Variants in AOAH observed in about 807,000 individuals in gnomAD.
AOAH encodes the protein acyloxyacyl hydrolase (neutrophil).
In AOAH, 64 loss-of-function variants were observed where a neutral mutation model predicts 92.2. The ratio of observed to expected loss-of-function variants is 0.69; its 90% confidence interval spans 0.57 to 0.86. AOAH has a LOEUF of 0.86. Among genes scored for constraint, AOAH ranks in the 40% least tolerant of loss-of-function variants. The probability of loss-of-function intolerance (pLI) is 0.00; values close to 1 mark genes in which losing one functional copy is unlikely to be tolerated. For missense variants in AOAH, 656 were observed against 694.6 expected, an observed-to-expected ratio of 0.94 and a Z score of 0.62; for synonymous variants, 263 against 254.5, an observed-to-expected ratio of 1.03 and a Z score of -0.32.
intron 12 of AOAH, among the ~76,000 whole-genome samples, chr7:36,586,328 G>A (rs1035020533): frequency 2.6e-5 from 4 of 151,894 alleles, no homozygotes; most frequent in African/African-American, 7.3e-5. Flanking sequence ...TTCCAGCTTC[G>A]CCCCACTGAA....
In AOAH at chr7:36,637,775, T is replaced by C. The variant is rs567308473; in HGVS notation, c.450+76A>G. On this transcript the variant is annotated intron_variant, in intron 5 of 20. Coordinates refer to ENST00000617537, the MANE Select transcript of AOAH (RefSeq NM_001637.4). ...TTATATCCGGAGTAGTCCTTGCCTT[T>C]GGGATGTGAAAGCCGGGGCCAGTGA... The C allele has an allele frequency of 2.2e-6, 3 of 1,363,824 alleles. No homozygotes were observed. In the African/African-American group the frequency reaches 4.3e-5, roughly 20 times the overall value. 84.5% of individuals were successfully genotyped at this position (1,363,824 alleles called of 1,614,324 possible).
chr7:36,514,539 T>G lies in AOAH; in HGVS notation c.1600-1159A>C, dbSNP rs140313251. On this transcript the variant is annotated intron_variant, in intron 20 of 20. Coordinates refer to ENST00000617537, the MANE Select transcript of AOAH (RefSeq NM_001637.4). The stretch of plus-strand genomic sequence containing the variant: ...GATGTTAGCTGGGTCCATTCTTGGT[T>G]GTCCAGTGTCTGGCTTGTCATTAAT... 184 of 1,535,990 alleles carry G rather than the reference T, an allele frequency of 1.2e-4. No individual in the cohort carries two copies. The African/African-American group carries it at 2.0e-3, about 17-fold the overall frequency.
At chr7:36,589,315 C>T (rs1789577085) in intron 12 of AOAH, among the ~76,000 whole-genome samples, 1 of 152,122 alleles carries the variant, frequency 6.6e-6, no homozygotes, top group South Asian at 2.1e-4. Context: ...ATTTAACAGC[C>T]TGTCAAGCAC....
At chr7:36,611,130 A>G (rs1791423532) in intron 11 of AOAH, among the ~76,000 whole-genome samples, 1 of 152,172 alleles carries the variant, frequency 6.6e-6, no homozygotes, top group Admixed American at 6.5e-5. Flanking sequence ...TATTCTTACC[A>G]AGTGGCCAGG....
At chr7:36,530,328 G>C in intron 19 of AOAH, 90 bp downstream of exon 19, 1 of 866,804 alleles carries the variant, frequency 1.2e-6, no homozygotes, top group Non-Finnish European at 1.9e-6. Flanking sequence ...TCTGCTGCCT[G>C]GTGGCTTATA....
At chr7:36,570,224 T>C (rs7781200) in intron 13 of AOAH, among the ~76,000 whole-genome samples, 13,614 of 152,218 alleles carry the variant, frequency 0.089, 715 homozygotes, top group Admixed American at 0.14. Context: ...TTCTGTGAGT[T>C]TGACTACTTA....
chr7:36,520,921 G>C (rs543570160), intron 20 of AOAH, among the ~76,000 whole-genome samples: 1 of 152,294 alleles, frequency 6.6e-6, no homozygotes, highest in Middle Eastern at 3.4e-3. Flanking sequence ...CGTGAGGTGG[G>C]CATTTAATAC....
At chr7:36,543,274 A>C (rs1397149976) in intron 15 of AOAH, among the ~76,000 whole-genome samples, 1 of 152,204 alleles carries the variant, frequency 6.6e-6, no homozygotes, top group Non-Finnish European at 1.5e-5. Flanking sequence ...CTTTGACTTG[A>C]TTCCCATATG....
intron 11 of AOAH, among the ~76,000 whole-genome samples, chr7:36,608,905 C>CGGG (rs374889301): frequency 3.7e-4 from 3 of 8,148 alleles, no homozygotes; most frequent in Non-Finnish European, 5.4e-4. Flanking sequence ...GCTGTTGCGG[C>CGGG]GGGGAGGGGG....
chr7:36,567,897 T>C (rs1349211260), intron 13 of AOAH, among the ~76,000 whole-genome samples: 3 of 152,224 alleles, frequency 2.0e-5, no homozygotes, highest in African/African-American at 7.2e-5. Flanking sequence ...CTAGACACTG[T>C]AGGGGAGGAA....
intron 5 of AOAH, among the ~76,000 whole-genome samples, chr7:36,635,867 CTATT>C (rs764768965): frequency 1.3e-5 from 2 of 152,214 alleles, no homozygotes; most frequent in Admixed American, 1.3e-4. Flanking sequence ...AATACTCTAT[CTATT>C]TGAGAATGAA....
chr7:36,517,765 T>C (rs1005616986), intron 20 of AOAH, among the ~76,000 whole-genome samples: 9 of 151,946 alleles, frequency 5.9e-5, no homozygotes, highest in African/African-American at 1.9e-4. Context: ...CATGCCTGGC[T>C]AATTTTTGTA....
intron 20 of AOAH, among the ~76,000 whole-genome samples, chr7:36,520,591 G>A (rs1256600402): frequency 6.6e-6 from 1 of 152,008 alleles, no homozygotes; most frequent in Non-Finnish European, 1.5e-5. Context: ...TGTAATCCCA[G>A]CTACTCAGGA....
At chr7:36,515,600 C>T (rs1783609164) in intron 20 of AOAH, among the ~76,000 whole-genome samples, 1 of 127,852 alleles carries the variant, frequency 7.8e-6, no homozygotes, top group South Asian at 2.8e-4. Flanking sequence ...TACCACACCC[C>T]TCATAACCCC....
rs544207416 is a variant in AOAH, at chr7:36,661,573, CAACT to C, written c.291-2312_291-2309del. On this transcript the variant is annotated intron_variant, in intron 3 of 20. Transcript: ENST00000617537. ...AAATCCACTCCAACCTCTCCCCACC[CAACT>C]ATTATAACAACTACCTCTACAATCA... 5.0e-3 allele frequency among the ~76,000 whole-genome samples: 763 copies of C among 152,294 alleles called. 5 individuals carry two copies. The highest frequency in any genetic ancestry group is 0.018 in the African/African-American group (732 of 41,548).
At chr7:36,580,210 A>G (rs1361032364) in intron 12 of AOAH, among the ~76,000 whole-genome samples, 2 of 152,034 alleles carry the variant, frequency 1.3e-5, no homozygotes, top group East Asian at 3.9e-4. Flanking sequence ...TTTTCCCTAC[A>G]ACTATTGGGT....
intron 4 of AOAH, among the ~76,000 whole-genome samples, chr7:36,652,203 A>G (rs1425034476): frequency 6.6e-6 from 1 of 152,228 alleles, no homozygotes; most frequent in Admixed American, 6.5e-5. Context: ...GAACAAAAAA[A>G]AAATAGGACA....
At chr7:36,539,068 G>T (rs556706040) in intron 16 of AOAH, among the ~76,000 whole-genome samples, 1 of 152,248 alleles carries the variant, frequency 6.6e-6, no homozygotes, top group East Asian at 1.9e-4. Context: ...GGGACTGCAG[G>T]AAGAGGACAA....
chr7:36,623,004 C>T (rs1370221190), intron 7 of AOAH, among the ~76,000 whole-genome samples, 186 bp downstream of exon 7: 1 of 152,166 alleles, frequency 6.6e-6, no homozygotes, highest in African/African-American at 2.4e-5. Flanking sequence ...CATGCCACTG[C>T]ACTCCAGTCT....
Sources: gnomAD v4.1 joint callset for allele counts (sites outside exome capture counted in the v4.1 genomes callset) on GRCh38, gnomAD v4.1.1 for gene constraint, MANE v1.5 for transcripts, NCBI Gene and HGNC (gene_info 2026-07-23, HGNC 2026-07-21) for gene names.